GRAMD1C: variants seen among roughly 807,000 people sequenced by gnomAD.
GRAMD1C encodes GRAM domain containing 1C, also known as protein Aster-C.
In GRAMD1C, 89 loss-of-function variants were observed where a neutral mutation model predicts 97.8. The observed-to-expected ratio is 0.91, with a 90% CI of 0.77 to 1.09. The LOEUF (loss-of-function observed/expected upper bound fraction) is 1.09, where lower values mean the gene tolerates loss of function less well. Ranked by LOEUF, GRAMD1C falls within the 50% of genes least tolerant of loss-of-function variation. GRAMD1C has a pLI of 0.00. For missense variants in GRAMD1C, 740 were observed against 766.4 expected, an observed-to-expected ratio of 0.97 and a Z score of 0.41; for synonymous variants, 256 against 267.0, an observed-to-expected ratio of 0.96 and a Z score of 0.40.
intron 6 of GRAMD1C, chr3:113,886,036 TA>T: frequency 1.0e-6 from 1 of 963,502 alleles, no homozygotes; most frequent in Non-Finnish European, 1.4e-6. Context: ...TGGTGACAGC[TA>T]ATCCCCCTCC....
At chr3:113,861,129 G>T (rs1202476875) in intron 2 of GRAMD1C, among the ~76,000 whole-genome samples, 1 of 152,022 alleles carries the variant, frequency 6.6e-6, no homozygotes, top group Non-Finnish European at 1.5e-5. Context: ...GATACAACTA[G>T]ATATACACAT....
chr3:113,832,039 G>GTGTTTTTTTTTTTTT (rs1553713219), intron 1 of GRAMD1C, among the ~76,000 whole-genome samples: 5 of 149,420 alleles, frequency 3.3e-5, no homozygotes, highest in African/African-American at 1.3e-4. Flanking sequence ...CAGCAACTTT[G>GTGTTTTTTTTTTTTT]TTTTTTTTGA....
intron 9 of GRAMD1C, among the ~76,000 whole-genome samples, chr3:113,914,661 G>A (rs763718715): frequency 6.6e-6 from 1 of 151,270 alleles, no homozygotes; most frequent in Non-Finnish European, 1.5e-5. Flanking sequence ...CCTCTATTAT[G>A]CCAGGCTTCT....
intron 2 of GRAMD1C, among the ~76,000 whole-genome samples, chr3:113,849,458 T>C (rs1202168396): frequency 6.6e-6 from 1 of 151,864 alleles, no homozygotes; most frequent in Non-Finnish European, 1.5e-5. Context: ...GCAGTGTTTG[T>C]GTCCCTGGGT....
chr3:113,945,480 G>C lies in GRAMD1C; in HGVS notation c.*2G>C, dbSNP rs1938025815. 6.5e-7 allele frequency: 1 copy of C among 1,528,238 alleles called. No individual in the cohort carries two copies. The highest frequency in any genetic ancestry group is 1.4e-5 in the African/African-American group (1 of 73,158). 94.7% of individuals were successfully genotyped at this position (1,528,238 alleles called of 1,614,324 possible). A position where few individuals can be genotyped will look rare whatever the true frequency, so the allele number is the denominator to read the frequency against. ...ACTGGCATGGCTGTTGAAAGCTAGT[G>C]ATCTGAAGGACTAAAACCGCAGAGA... On this transcript the variant is annotated 3_prime_UTR_variant, in exon 18 of 18. Coordinates refer to ENST00000358160, the MANE Select transcript of GRAMD1C (RefSeq NM_017577.5).
At chr3:113,850,948 G>C (rs991370566) in intron 2 of GRAMD1C, among the ~76,000 whole-genome samples, 23 of 151,910 alleles carry the variant, frequency 1.5e-4, no homozygotes, top group Admixed American at 8.5e-4. Context: ...GACTACAGGC[G>C]CGTGCCACCA....
In GRAMD1C at chr3:113,930,789, A is replaced by G; in HGVS notation, c.1166A>G (p.Asn389Ser). 1 of 1,611,536 alleles carries G rather than the reference A, an allele frequency of 6.2e-7. No individual in the cohort carries two copies. Among genetic ancestry groups the G allele is most frequent in the African/African-American group, 1.3e-5 (1 of 74,996 alleles). Residue 389 changes from asparagine to serine, a missense_variant, in exon 11 of 18, where the codon AAT becomes AGT. Physicochemically the swap from Asn to Ser is conservative, Grantham distance 46. Transcript: ENST00000358160. The stretch of plus-strand genomic sequence containing the variant: ...ACGATGACCTACACTATAGTCCTTA[A>G]TAGTCCACTTACTGGAAAATGCACT... ...LRTMTYTIVL[N>S]SPLTGKCTAA...
chr3:113,913,687 A>C (rs1936697153), intron 9 of GRAMD1C, among the ~76,000 whole-genome samples: 1 of 152,102 alleles, frequency 6.6e-6, no homozygotes, highest in South Asian at 2.1e-4. Flanking sequence ...TTTTTTTCTT[A>C]TTAGATTATC....
intron 1 of GRAMD1C, among the ~76,000 whole-genome samples, chr3:113,829,784 G>A (rs954550657): frequency 1.3e-5 from 2 of 152,056 alleles, no homozygotes; most frequent in Non-Finnish European, 2.9e-5. Context: ...TGCGTCATTA[G>A]GCAATTTTGC....
intron 2 of GRAMD1C, among the ~76,000 whole-genome samples, chr3:113,849,317 G>A (rs1267637971): frequency 1.6e-5 from 2 of 126,888 alleles, no homozygotes; most frequent in Non-Finnish European, 3.5e-5. Context: ...ATTTTTTATT[G>A]ATCATTCTTG....
rs77723465 is a variant in GRAMD1C at position 113,943,969 on chromosome 3, G to C, written c.1909-1429G>C. Reference sequence around the variant, plus strand: ...TATCTCCTCTGCCTGACTTCCTCCTGGCCCAAATGCTCCAGGGCTCTGTGT... The same window carrying C: ...TATCTCCTCTGCCTGACTTCCTCCTCGCCCAAATGCTCCAGGGCTCTGTGT... On this transcript the variant is annotated intron_variant, in intron 17 of 17. Coordinates refer to ENST00000358160, the MANE Select transcript of GRAMD1C (RefSeq NM_017577.5). 1.3e-3 allele frequency among the ~76,000 whole-genome samples: 195 copies of C among 152,192 alleles called. 3 individuals carry two copies. Among genetic ancestry groups the C allele is most frequent in the East Asian group, 0.01 (54 of 5,184 alleles).
chr3:113,920,033 T>C, intron 10 of GRAMD1C: 1 of 856,378 alleles, frequency 1.2e-6, no homozygotes, highest in Admixed American at 2.1e-5. Flanking sequence ...AGTAAGGTAC[T>C]TTTTGAATTT....
chr3:113,941,531 C>A (rs2107385150), intron 17 of GRAMD1C, among the ~76,000 whole-genome samples: 1 of 151,972 alleles, frequency 6.6e-6, no homozygotes, highest in East Asian at 1.9e-4. Context: ...TCAAATTCTT[C>A]CATTGAGTTT....
At chr3:113,887,708 CAAAAA>C (rs1156243184) in intron 6 of GRAMD1C, among the ~76,000 whole-genome samples, 3 of 47,556 alleles carry the variant, frequency 6.3e-5, no homozygotes, top group South Asian at 7.4e-4. Flanking sequence ...ACTCCGTCTC[CAAAAA>C]AAAAAAAAAA....
intron 10 of GRAMD1C, among the ~76,000 whole-genome samples, chr3:113,929,954 G>A (rs1344546098): frequency 6.6e-6 from 1 of 152,126 alleles, no homozygotes; most frequent in Non-Finnish European, 1.5e-5. Context: ...TGGGGCATTA[G>A]GTGATACAAT....
At chr3:113,887,116 T>TA (rs1168106636) in intron 6 of GRAMD1C, among the ~76,000 whole-genome samples, 1 of 115,598 alleles carries the variant, frequency 8.7e-6, no homozygotes, top group Non-Finnish European at 1.7e-5. Context: ...TTTTTTGAGA[T>TA]AGAGTCTCAC....
chr3:113,830,022 T>C (rs750798984), intron 1 of GRAMD1C, among the ~76,000 whole-genome samples: 3 of 152,114 alleles, frequency 2.0e-5, no homozygotes, highest in Non-Finnish European at 4.4e-5. Context: ...GGGTTGCTGC[T>C]TCCATGGTGA....
rs1936782890 is a variant in GRAMD1C at position 113,915,644 on chromosome 3, C to G, written c.953-57C>G. On this transcript the variant is annotated intron_variant, in intron 9 of 17. Transcript: ENST00000358160. ...AAAACCCCACGAAACCCCCTAAAGC[C>G]TTAAAATAAACTTTCTTTGATTTCT... 4 of 1,477,932 alleles carry G rather than the reference C, an allele frequency of 2.7e-6. No homozygotes were observed. In the Admixed American group the frequency reaches 7.9e-5, roughly 29 times the overall value. The allele number at this position is 1,477,932 out of a possible 1,614,324, so 91.6% of individuals were successfully genotyped here.
chr3:113,841,285 C>CTTTCT (rs1553714128), intron 1 of GRAMD1C, among the ~76,000 whole-genome samples: 4 of 94,340 alleles, frequency 4.2e-5, no homozygotes, highest in African/African-American at 1.5e-4. Flanking sequence ...TTCTTTCTTT[C>CTTTCT]TTTTTTTTTT....
Sources: allele counts gnomAD v4.1 joint callset (sites outside exome capture counted in the v4.1 genomes callset), GRCh38; gene constraint gnomAD v4.1.1; transcripts MANE v1.5; gene names NCBI Gene and HGNC (gene_info 2026-07-23, HGNC 2026-07-21).